MSRA: variants seen among roughly 807,000 people sequenced by gnomAD.
MSRA encodes methionine sulfoxide reductase A.
Under a neutral mutation model 31.3 loss-of-function variants are expected in MSRA, and 54 were observed. The observed-to-expected ratio is 1.73, with a 90% CI of 1.39 to 2.17. The LOEUF (loss-of-function observed/expected upper bound fraction) is 2.17, where lower values mean the gene tolerates loss of function less well. Ranked by LOEUF, MSRA falls within the 30% of genes most tolerant of loss-of-function variation. The probability of loss-of-function intolerance (pLI) is 0.00; values close to 1 mark genes in which losing one functional copy is unlikely to be tolerated. For synonymous variants in MSRA, 169 were observed against 116.5 expected, an observed-to-expected ratio of 1.45 and a Z score of -2.90; for missense variants, 507 against 300.9, an observed-to-expected ratio of 1.69 and a Z score of -5.07.
At chr8:10,220,556 C>T (rs571993459) in intron 2 of MSRA, among the ~76,000 whole-genome samples, 2 of 152,110 alleles carry the variant, frequency 1.3e-5, no homozygotes, top group Non-Finnish European at 2.9e-5. Context: ...ATTTTTTTGC[C>T]ATATGCCTGT....
intron 1 of MSRA, among the ~76,000 whole-genome samples, chr8:10,162,957 G>A (rs75855109): frequency 0.051 from 7,809 of 152,190 alleles, 312 homozygotes; most frequent in South Asian, 0.12. Context: ...AAATTCCTAG[G>A]TTGAAATCCT....
chr8:10,158,341 A>C (rs1316950025), intron 1 of MSRA, among the ~76,000 whole-genome samples: 3 of 152,210 alleles, frequency 2.0e-5, no homozygotes, highest in South Asian at 4.1e-4. Context: ...TTACCTCAAA[A>C]AGAGGCCCCA....
intron 1 of MSRA, among the ~76,000 whole-genome samples, chr8:10,064,230 G>A (rs1196474698): frequency 1.3e-5 from 2 of 152,102 alleles, no homozygotes; most frequent in African/African-American, 2.4e-5. Flanking sequence ...TGAGATACTC[G>A]ATGACTTTGA....
At chr8:10,081,681 G>T (rs1311466589) in intron 1 of MSRA, among the ~76,000 whole-genome samples, 1 of 152,042 alleles carries the variant, frequency 6.6e-6, no homozygotes, top group Non-Finnish European at 1.5e-5. Flanking sequence ...GTAGAGACGG[G>T]GTTTCACCAT....
chr8:10,180,885 C>G (rs1037348267), intron 1 of MSRA, among the ~76,000 whole-genome samples: 1 of 152,168 alleles, frequency 6.6e-6, no homozygotes, highest in Non-Finnish European at 1.5e-5. Flanking sequence ...TCACTACTTC[C>G]AAATGTTGCC....
intron 5 of MSRA, among the ~76,000 whole-genome samples, chr8:10,388,112 C>T (rs962947527): frequency 2.6e-5 from 4 of 152,142 alleles, no homozygotes; most frequent in Non-Finnish European, 5.9e-5. Context: ...ATGTACATCT[C>T]ATATGTACAT....
intron 1 of MSRA, among the ~76,000 whole-genome samples, chr8:10,100,916 C>G (rs1308626644): frequency 6.6e-6 from 1 of 152,224 alleles, no homozygotes; most frequent in African/African-American, 2.4e-5. Context: ...GAATTAGTCC[C>G]TCTGGAGTGA....
At chr8:10,398,980 G>T (rs1267514421) in intron 5 of MSRA, among the ~76,000 whole-genome samples, 1 of 152,158 alleles carries the variant, frequency 6.6e-6, no homozygotes, top group Non-Finnish European at 1.5e-5. Context: ...GGACGGCTCT[G>T]GGAAAAAGCC....
At chr8:10,062,851 G>A (rs1186985701) in intron 1 of MSRA, among the ~76,000 whole-genome samples, 2 of 152,184 alleles carry the variant, frequency 1.3e-5, no homozygotes, top group African/African-American at 4.8e-5. Context: ...AGCTGCGTGA[G>A]ATTGCTAGTG....
intron 5 of MSRA, among the ~76,000 whole-genome samples, chr8:10,390,778 T>C (rs948085510): frequency 6.6e-6 from 1 of 151,970 alleles, no homozygotes; most frequent in East Asian, 1.9e-4. Context: ...TTAAACTACA[T>C]GTTAAAACAG....
At chr8:10,115,724 A>G (rs1304602877) in intron 1 of MSRA, among the ~76,000 whole-genome samples, 1 of 152,144 alleles carries the variant, frequency 6.6e-6, no homozygotes, top group Non-Finnish European at 1.5e-5. Flanking sequence ...GATCTGCGTG[A>G]TGAATTTGAG....
chr8:10,109,377 T>TGTC (rs1173666382), intron 1 of MSRA, among the ~76,000 whole-genome samples: 1 of 151,960 alleles, frequency 6.6e-6, no homozygotes, highest in Non-Finnish European at 1.5e-5. Flanking sequence ...GGTCTTACTC[T>TGTC]GTCACCCAGG....
chr8:10,334,439 GGGGGGAGGTGCA>G (rs1000180124), intron 5 of MSRA, among the ~76,000 whole-genome samples: 12 of 151,982 alleles, frequency 7.9e-5, no homozygotes, highest in African/African-American at 2.7e-4. Context: ...ACCGGGGGCG[GGGGGGAGGTGCA>G]GGGACGCTTT....
chr8:10,392,439 G>C (rs972865358), intron 5 of MSRA, among the ~76,000 whole-genome samples: 1 of 152,134 alleles, frequency 6.6e-6, no homozygotes, highest in Non-Finnish European at 1.5e-5. Context: ...ACTGAGTCCA[G>C]TGCAGCCCTC....
At chr8:10,421,675 C>T (rs1279841847) in intron 5 of MSRA, among the ~76,000 whole-genome samples, 1 of 152,190 alleles carries the variant, frequency 6.6e-6, no homozygotes, top group African/African-American at 2.4e-5. Context: ...ATGGGACCTG[C>T]TGTGCCCGGC....
intron 1 of MSRA, among the ~76,000 whole-genome samples, chr8:10,145,176 AG>A (rs1407819844): frequency 1.3e-5 from 2 of 152,220 alleles, no homozygotes; most frequent in African/African-American, 4.8e-5. Context: ...AGGGACAGGC[AG>A]GGCCTATGCA....
intron 5 of MSRA, among the ~76,000 whole-genome samples, chr8:10,329,493 A>G (rs577654780): frequency 2.6e-5 from 4 of 152,328 alleles, no homozygotes; most frequent in African/African-American, 9.6e-5. Flanking sequence ...CCAAACAATC[A>G]AGAATACTCC....
intron 5 of MSRA, among the ~76,000 whole-genome samples, chr8:10,332,548 C>G (rs1279445083): frequency 6.6e-6 from 1 of 151,340 alleles, no homozygotes; most frequent in Non-Finnish European, 1.5e-5. Flanking sequence ...ATTATGAACT[C>G]TAAATAAGAA....
intron 4 of MSRA, 125 bp downstream of exon 4, chr8:10,301,763 C>T (rs919776342): frequency 2.6e-6 from 2 of 758,016 alleles, no homozygotes; most frequent in Admixed American, 2.9e-5. Flanking sequence ...TGATTGCAGA[C>T]ATTTATTGAC....
Sources: allele counts gnomAD v4.1 joint callset (sites outside exome capture counted in the v4.1 genomes callset), GRCh38; gene constraint gnomAD v4.1.1; transcripts MANE v1.5; gene names NCBI Gene and HGNC (gene_info 2026-07-23, HGNC 2026-07-21).